TRABD2B: variants seen among roughly 807,000 people sequenced by gnomAD.
TRABD2B encodes TraB domain containing 2B.
Under a neutral mutation model 40.1 loss-of-function variants are expected in TRABD2B, and 14 were observed. The ratio of observed to expected loss-of-function variants is 0.35; its 90% CI spans 0.23 to 0.55. TRABD2B has a LOEUF of 0.55. TRABD2B is among the 20% of genes least tolerant of loss of function. The pLI is 0.90. For synonymous variants in TRABD2B, 263 were observed against 277.0 expected (o/e 0.95, Z 0.50); for missense variants, 541 against 648.6 (o/e 0.83, Z 1.80).
At chr1:47,965,232 T>A (rs1310971767) in intron 2 of TRABD2B, among the ~76,000 whole-genome samples, 7 of 9,290 alleles carry the variant, frequency 7.5e-4, no homozygotes, top group African/African-American at 1.0e-3. Flanking sequence ...GTGGGGGGGG[T>A]GGATGGGGAG....
At chr1:47,853,185 G>A (rs1392700897) in intron 2 of TRABD2B, among the ~76,000 whole-genome samples, 1 of 152,190 alleles carries the variant, frequency 6.6e-6, no homozygotes, top group East Asian at 1.9e-4. Context: ...TCAAGCTGGG[G>A]AATGTCAAGA....
At chr1:47,795,968 C>T (rs972363662) in intron 3 of TRABD2B, among the ~76,000 whole-genome samples, 1 of 151,978 alleles carries the variant, frequency 6.6e-6, no homozygotes, top group Non-Finnish European at 1.5e-5. Context: ...AGGCAGAGAG[C>T]TTCCTGGGTT....
intron 2 of TRABD2B, among the ~76,000 whole-genome samples, chr1:47,990,708 TGGA>T (rs1386085177): frequency 6.9e-6 from 1 of 144,662 alleles, no homozygotes; most frequent in Non-Finnish European, 1.5e-5. Flanking sequence ...CCCCATTGGA[TGGA>T]TGGGCATACC....
chr1:47,799,664 C>T (rs1487043390), intron 3 of TRABD2B, among the ~76,000 whole-genome samples: 8 of 152,088 alleles, frequency 5.3e-5, no homozygotes, highest in Non-Finnish European at 1.0e-4. Flanking sequence ...CACCATGGCC[C>T]GGCCCGGTCT....
chr1:47,824,078 C>G (rs1351644879), intron 2 of TRABD2B, among the ~76,000 whole-genome samples: 1 of 152,180 alleles, frequency 6.6e-6, no homozygotes, highest in Non-Finnish European at 1.5e-5. Context: ...GCAATTCTCT[C>G]ATCCTTCCTG....
At chr1:47,847,775 A>G (rs1300106702) in intron 2 of TRABD2B, among the ~76,000 whole-genome samples, 2 of 152,246 alleles carry the variant, frequency 1.3e-5, no homozygotes, top group East Asian at 1.9e-4. Flanking sequence ...GAAATTATGG[A>G]TGGAAAAATC....
chr1:47,977,449 AC>A (rs1463618393), intron 2 of TRABD2B, among the ~76,000 whole-genome samples: 1 of 152,086 alleles, frequency 6.6e-6, no homozygotes, highest in Admixed American at 6.5e-5. Context: ...GACAAAGTAA[AC>A]CACCAGCCAC....
At chr1:47,777,203 TGCTGGGGTGAGG>T (rs1368753310) in intron 5 of TRABD2B, among the ~76,000 whole-genome samples, 7 of 152,210 alleles carry the variant, frequency 4.6e-5, no homozygotes, top group African/African-American at 1.2e-4. Flanking sequence ...TCCTTGGGGC[TGCTGGGGTGAGG>T]GCTGGGGTGA....
intron 2 of TRABD2B, among the ~76,000 whole-genome samples, chr1:47,880,476 G>T (rs1644287000): frequency 6.6e-6 from 1 of 152,204 alleles, no homozygotes; most frequent in South Asian, 2.1e-4. Context: ...AATCAGTTTT[G>T]TTTTAAGTCG....
intron 2 of TRABD2B, among the ~76,000 whole-genome samples, chr1:47,965,200 G>GT (rs1645580763): frequency 2.8e-5 from 3 of 106,984 alleles, no homozygotes; most frequent in South Asian, 5.2e-4. Context: ...TTGGCGGGGG[G>GT]CGGGGGGGGG....
chr1:47,792,336 C>A (rs766051806), intron 4 of TRABD2B, among the ~76,000 whole-genome samples: 3 of 152,220 alleles, frequency 2.0e-5, no homozygotes, highest in Non-Finnish European at 4.4e-5. Context: ...AAAGACACAG[C>A]GATGATTAAG....
At chr1:47,923,086 G>A (rs1369331097) in intron 2 of TRABD2B, among the ~76,000 whole-genome samples, 4 of 152,262 alleles carry the variant, frequency 2.6e-5, no homozygotes, top group African/African-American at 7.2e-5. Flanking sequence ...CTTCACACTC[G>A]TGGTTCCTTG....
At chr1:47,935,474 C>T (rs945794557) in intron 2 of TRABD2B, among the ~76,000 whole-genome samples, 12 of 152,266 alleles carry the variant, frequency 7.9e-5, no homozygotes, top group South Asian at 2.1e-4. Flanking sequence ...CTCAATAACA[C>T]GGGTACTCAG....
chr1:47,905,348 A>G (rs895412062), intron 2 of TRABD2B, among the ~76,000 whole-genome samples: 1 of 152,216 alleles, frequency 6.6e-6, no homozygotes, highest in Admixed American at 6.5e-5. Flanking sequence ...CCGTCCTGGC[A>G]GCTGGGGATG....
intron 2 of TRABD2B, among the ~76,000 whole-genome samples, chr1:47,855,444 G>C (rs940427420): frequency 6.6e-6 from 1 of 152,190 alleles, no homozygotes; most frequent in Non-Finnish European, 1.5e-5. Context: ...AACAGTATGG[G>C]ATATCGTTCT....
At chr1:47,781,347 C>A (rs539617158) in intron 4 of TRABD2B, among the ~76,000 whole-genome samples, 1 of 152,318 alleles carries the variant, frequency 6.6e-6, no homozygotes, top group East Asian at 1.9e-4. Flanking sequence ...TGTACAGGAG[C>A]AGCAGCAAAT....
At chr1:47,961,091 G>A (rs1036642666) in intron 2 of TRABD2B, among the ~76,000 whole-genome samples, 3 of 152,146 alleles carry the variant, frequency 2.0e-5, no homozygotes, top group East Asian at 1.9e-4. Context: ...TGACAAACCT[G>A]ACAAAAACAA....
At chr1:47,920,638 G>A (rs1161519961) in intron 2 of TRABD2B, among the ~76,000 whole-genome samples, 1 of 152,212 alleles carries the variant, frequency 6.6e-6, no homozygotes, top group East Asian at 1.9e-4. Context: ...TCAAAACTCA[G>A]AGAAAAATGG....
At chr1:47,895,525 G>A (rs1426727077) in intron 2 of TRABD2B, among the ~76,000 whole-genome samples, 2 of 152,142 alleles carry the variant, frequency 1.3e-5, no homozygotes, top group African/African-American at 4.8e-5. Context: ...GTTGCCCTCA[G>A]GTCTCGCTTC....
Sources: gnomAD v4.1 joint callset for allele counts (sites outside exome capture counted in the v4.1 genomes callset) on GRCh38, gnomAD v4.1.1 for gene constraint, MANE v1.5 for transcripts, NCBI Gene and HGNC (gene_info 2026-07-23, HGNC 2026-07-21) for gene names.